The following NPAS3 variants were observed in gnomAD, a reference collection of about 807,000 sequenced individuals.
NPAS3 encodes neuronal PAS domain-containing protein 3.
Under a neutral mutation model 73.1 loss-of-function variants are expected in NPAS3, and 14 were observed. That is an observed-to-expected ratio of 0.19 (90% CI 0.13 to 0.30). NPAS3 has a LOEUF of 0.30. NPAS3 is among the 10% of genes least tolerant of loss of function. The pLI is 1.00. For synonymous variants in NPAS3, 620 were observed against 541.5 expected (o/e 1.14, Z -2.01); for missense variants, 1,096 against 1,250.0 (o/e 0.88, Z 1.86).
chr14:33,769,447 A>G (rs992679571), intron 7 of NPAS3, among the ~76,000 whole-genome samples: 2 of 152,212 alleles, frequency 1.3e-5, no homozygotes, highest in African/African-American at 4.8e-5. Flanking sequence ...CACAAAAATT[A>G]TGATACCAGC....
intron 4 of NPAS3, among the ~76,000 whole-genome samples, chr14:33,527,284 T>TG (rs2053844586): frequency 6.6e-6 from 1 of 152,208 alleles, no homozygotes; most frequent in South Asian, 2.1e-4. Flanking sequence ...AGCCCTATCC[T>TG]GTACCCTGTA....
chr14:33,082,929 G>A (rs1354391493), intron 2 of NPAS3, among the ~76,000 whole-genome samples: 1 of 152,032 alleles, frequency 6.6e-6, no homozygotes, highest in Non-Finnish European at 1.5e-5. Context: ...TTTAATCACA[G>A]CACCTTGGGA....
intron 4 of NPAS3, among the ~76,000 whole-genome samples, chr14:33,427,232 T>A (rs1363333452): frequency 6.6e-6 from 1 of 152,074 alleles, no homozygotes; most frequent in Admixed American, 6.6e-5. Flanking sequence ...GACGATTCTC[T>A]GCTTATATGC....
At chr14:33,175,340 T>C (rs1566640493) in intron 2 of NPAS3, among the ~76,000 whole-genome samples, 1 of 152,188 alleles carries the variant, frequency 6.6e-6, no homozygotes, top group Admixed American at 6.5e-5. Context: ...TTCCTGAAAA[T>C]GTTACCATTA....
intron 3 of NPAS3, among the ~76,000 whole-genome samples, chr14:33,366,017 C>G (rs929532056): frequency 6.6e-6 from 1 of 152,102 alleles, no homozygotes; most frequent in Non-Finnish European, 1.5e-5. Context: ...TCAAAAAAAG[C>G]AGGAAGATAT....
intron 3 of NPAS3, among the ~76,000 whole-genome samples, chr14:33,224,849 A>C (rs889208253): frequency 5.3e-5 from 8 of 152,180 alleles, no homozygotes; most frequent in Non-Finnish European, 1.0e-4. Context: ...GAAAAGAATA[A>C]TTTTAAGAAG....
intron 5 of NPAS3, among the ~76,000 whole-genome samples, chr14:33,600,170 A>T (rs2057358273): frequency 6.6e-6 from 1 of 152,192 alleles, no homozygotes; most frequent in African/African-American, 2.4e-5. Context: ...CATTTCTTCG[A>T]TGAAGAGTCA....
At chr14:33,361,759 G>GT (rs995116002) in intron 3 of NPAS3, among the ~76,000 whole-genome samples, 5 of 152,032 alleles carry the variant, frequency 3.3e-5, no homozygotes, top group Non-Finnish European at 5.9e-5. Context: ...TATGAAGATA[G>GT]TTTTTTTGTT....
chr14:33,394,057 G>A (rs2047119220), intron 4 of NPAS3, among the ~76,000 whole-genome samples: 1 of 152,092 alleles, frequency 6.6e-6, no homozygotes. Context: ...TTGATTTTAT[G>A]GCCTCTTCTT....
At chr14:33,703,592 GT>G (rs34536173) in intron 6 of NPAS3, among the ~76,000 whole-genome samples, 37,898 of 151,748 alleles carry the variant, frequency 0.25, 5,019 homozygotes, top group Admixed American at 0.39. Context: ...GAAAATTCTG[GT>G]TTTAAATTTT....
At chr14:33,103,838 G>A (rs1377801179) in intron 2 of NPAS3, among the ~76,000 whole-genome samples, 1 of 152,130 alleles carries the variant, frequency 6.6e-6, no homozygotes, top group Non-Finnish European at 1.5e-5. Context: ...TCTTTTAAGA[G>A]AGGCCATGCC....
At chr14:33,021,445 G>A (rs753085230) in intron 1 of NPAS3, among the ~76,000 whole-genome samples, 9 of 152,130 alleles carry the variant, frequency 5.9e-5, no homozygotes, top group Admixed American at 5.2e-4. Flanking sequence ...TTCTCCAAAT[G>A]TGTATATTTC....
chr14:33,414,580 C>G (rs1004578389), intron 4 of NPAS3, among the ~76,000 whole-genome samples: 1 of 152,136 alleles, frequency 6.6e-6, no homozygotes, highest in Non-Finnish European at 1.5e-5. Flanking sequence ...ACAACAAAGG[C>G]TTTCATCCAC....
At chr14:33,372,578 A>G (rs1022504507) in intron 4 of NPAS3, among the ~76,000 whole-genome samples, 2 of 152,212 alleles carry the variant, frequency 1.3e-5, no homozygotes, top group Non-Finnish European at 2.9e-5. Flanking sequence ...CAGTCTCACC[A>G]CTGACTGTGA....
At chr14:33,362,329 C>T (rs1181061655) in intron 3 of NPAS3, among the ~76,000 whole-genome samples, 1 of 152,120 alleles carries the variant, frequency 6.6e-6, no homozygotes, top group Admixed American at 6.5e-5. Context: ...TACATGCAAA[C>T]TGAGAAATTT....
At chr14:32,953,781 C>G (rs1290827750) in intron 1 of NPAS3, among the ~76,000 whole-genome samples, 1 of 152,082 alleles carries the variant, frequency 6.6e-6, no homozygotes, top group Non-Finnish European at 1.5e-5. Flanking sequence ...CCTGCACACA[C>G]AGTAGTGCAG....
chr14:33,419,369 T>C (rs987895033), intron 4 of NPAS3, among the ~76,000 whole-genome samples: 14 of 151,914 alleles, frequency 9.2e-5, no homozygotes, highest in Admixed American at 9.2e-4. Context: ...ATAAATTATG[T>C]ATATTTTATA....
chr14:32,997,348 CT>C (rs1190617241), intron 1 of NPAS3, among the ~76,000 whole-genome samples: 1 of 152,062 alleles, frequency 6.6e-6, no homozygotes, highest in Non-Finnish European at 1.5e-5. Context: ...TGAGTTGAGA[CT>C]TTGGGGGACT....
intron 2 of NPAS3, among the ~76,000 whole-genome samples, chr14:33,147,730 A>AAAAAAATAT (rs372663411): frequency 7.7e-6 from 1 of 130,388 alleles, no homozygotes; most frequent in African/African-American, 3.2e-5. Context: ...TAGAATAAAA[A>AAAAAAATAT]ATATATATAT....
Sources: gnomAD v4.1 joint callset for allele counts (sites outside exome capture counted in the v4.1 genomes callset) on GRCh38, gnomAD v4.1.1 for gene constraint, MANE v1.5 for transcripts, NCBI Gene and HGNC (gene_info 2026-07-23, HGNC 2026-07-21) for gene names.